The following R3HDM2 variants were observed in gnomAD, a reference collection of about 807,000 sequenced individuals.
R3HDM2 encodes R3H domain-containing protein 2.
R3HDM2 carries 38 observed loss-of-function variants against 124.5 expected under a neutral mutation model. That is an observed-to-expected ratio of 0.31 (90% CI 0.24 to 0.40). The LOEUF (loss-of-function observed/expected upper bound fraction) is 0.40. R3HDM2 is among the 10% of genes least tolerant of loss of function. R3HDM2 has a pLI of 1.00. For synonymous variants in R3HDM2, 391 were observed against 448.0 expected, an observed-to-expected ratio of 0.87 and a Z score of 1.61; for missense variants, 869 against 1,236.9, an observed-to-expected ratio of 0.70 and a Z score of 4.46.
intron 14 of R3HDM2, among the ~76,000 whole-genome samples, chr12:57,277,457 T>A (rs1403925837): frequency 1.3e-5 from 2 of 151,672 alleles, no homozygotes; most frequent in Non-Finnish European, 2.9e-5. Flanking sequence ...TTTTTTTTTT[T>A]AGACAGAGTC....
chr12:57,256,146 G>A (rs1035170822), intron 22 of R3HDM2, 72 bp from the exon 23 acceptor site: 2 of 1,474,300 alleles, frequency 1.4e-6, no homozygotes, highest in Admixed American at 1.7e-5. Flanking sequence ...ATGTCTGCCT[G>A]AGAGATTGTG....
At chr12:57,423,561 C>G (rs2139619985) in intron 1 of R3HDM2, among the ~76,000 whole-genome samples, 1 of 152,082 alleles carries the variant, frequency 6.6e-6, no homozygotes, top group South Asian at 2.1e-4. Context: ...GCCTCATGCC[C>G]AGCACTTTGG....
chr12:57,360,725 G>A (rs748736986), intron 2 of R3HDM2, among the ~76,000 whole-genome samples: 73 of 152,252 alleles, frequency 4.8e-4, no homozygotes, highest in Non-Finnish European at 8.8e-4. Flanking sequence ...AAAAATAAAA[G>A]AAAATGTGGC....
intron 19 of R3HDM2, 130 bp downstream of exon 19, chr12:57,266,601 G>T: frequency 2.0e-5 from 14 of 704,344 alleles, no homozygotes; most frequent in Middle Eastern, 2.5e-4. Context: ...TTTTTTCTTT[G>T]TGATGGAGTC....
At chr12:57,314,006 T>C (rs999166086) in intron 2 of R3HDM2, among the ~76,000 whole-genome samples, 3 of 147,188 alleles carry the variant, frequency 2.0e-5, no homozygotes, top group African/African-American at 7.6e-5. Flanking sequence ...CTGACCAACA[T>C]GGAGAAACCC....
At chr12:57,272,475 G>A in intron 14 of R3HDM2, 1 of 1,550,788 alleles carries the variant, frequency 6.4e-7, no homozygotes, top group Non-Finnish European at 8.7e-7. Flanking sequence ...CTGGGGCGGA[G>A]AGACTGGCAG....
chr12:57,344,081 G>T (rs2059867117), intron 2 of R3HDM2, among the ~76,000 whole-genome samples: 1 of 152,112 alleles, frequency 6.6e-6, no homozygotes, highest in Non-Finnish European at 1.5e-5. Flanking sequence ...ATGCATATAT[G>T]TGCATATAAA....
Position 57,268,463 on chromosome 12 carries a change from T to A in R3HDM2, c.1876-6A>T, listed in dbSNP as rs767313292. 5.6e-6 allele frequency: 9 copies of A among 1,613,308 alleles called. No individual in the cohort carries two copies. In the East Asian group the frequency reaches 2.0e-4, roughly 36 times the overall value. On this transcript the variant is annotated splice_polypyrimidine_tract_variant and splice_region_variant and intron_variant, in intron 17 of 23. Coordinates refer to ENST00000402412, the MANE Select transcript of R3HDM2 (RefSeq NM_001394031.1). ...GAGTCACTACCCACTGGAACCTGGG[T>A]GAGAAAGAGAAGAGAAAGAATCACA...
chr12:57,430,050 T>C (rs1458011515), intron 1 of R3HDM2, among the ~76,000 whole-genome samples: 1 of 152,228 alleles, frequency 6.6e-6, no homozygotes, highest in Non-Finnish European at 1.5e-5. Context: ...TCCACTTTTC[T>C]TTCTTCCGTT....
chr12:57,396,406 A>G (rs1173075013), intron 1 of R3HDM2, among the ~76,000 whole-genome samples: 1 of 151,962 alleles, frequency 6.6e-6, no homozygotes, highest in Admixed American at 6.6e-5. Flanking sequence ...GCACCACTGC[A>G]CTCCAGCCTG....
chr12:57,385,721 T>G (rs1490738781), intron 2 of R3HDM2, among the ~76,000 whole-genome samples: 10 of 150,430 alleles, frequency 6.6e-5, no homozygotes. Context: ...TAGTAACATA[T>G]GAGATGTGTG....
intron 2 of R3HDM2, among the ~76,000 whole-genome samples, chr12:57,325,206 G>A (rs776698583): frequency 1.3e-5 from 2 of 152,182 alleles, no homozygotes; most frequent in Non-Finnish European, 2.9e-5. Context: ...GCAGTGGCAC[G>A]ATCTCGGCTC....
chr12:57,301,685 A>G (rs1252966729), intron 4 of R3HDM2, among the ~76,000 whole-genome samples: 2 of 152,222 alleles, frequency 1.3e-5, no homozygotes, highest in African/African-American at 4.8e-5. Flanking sequence ...CCACAGAGCC[A>G]ATTTATCATA....
intron 1 of R3HDM2, among the ~76,000 whole-genome samples, chr12:57,429,711 T>C (rs1869191215): frequency 8.8e-6 from 1 of 113,172 alleles, no homozygotes. Flanking sequence ...AGACCCTGTC[T>C]CAAAAAACAA....
In R3HDM2 at chr12:57,310,249, A is replaced by G. The variant is rs2053632974; in HGVS notation, c.165+15T>C. 2 of 1,506,574 alleles carry G rather than the reference A, an allele frequency of 1.3e-6. No individual in the cohort carries two copies. Among genetic ancestry groups the G allele is most frequent in the Non-Finnish European group, 1.8e-6 (2 of 1,125,534 alleles). 93.3% of individuals were successfully genotyped at this position (1,506,574 alleles called of 1,614,324 possible). On this transcript the variant is annotated intron_variant, in intron 3 of 23. Coordinates refer to ENST00000402412, the MANE Select transcript of R3HDM2 (RefSeq NM_001394031.1). The stretch of plus-strand genomic sequence containing the variant: ...AAAAAAAAAAGTGTGCATACAATGC[A>G]TTTCCAATCGTTACCTGTGTCTCCT...
intron 2 of R3HDM2, among the ~76,000 whole-genome samples, chr12:57,363,701 T>G (rs2062232708): frequency 6.6e-6 from 1 of 152,132 alleles, no homozygotes; most frequent in Non-Finnish European, 1.5e-5. Flanking sequence ...ATACAATTAT[T>G]ATATTATGTC....
At chr12:57,267,381 C>T (rs2042693541) in intron 18 of R3HDM2, among the ~76,000 whole-genome samples, 1 of 152,116 alleles carries the variant, frequency 6.6e-6, no homozygotes, top group African/African-American at 2.4e-5. Context: ...ATGGCGAAAC[C>T]CCGTCTCTAC....
chr12:57,413,048 G>A (rs2069153013), intron 1 of R3HDM2, among the ~76,000 whole-genome samples: 1 of 152,068 alleles, frequency 6.6e-6, no homozygotes, highest in African/African-American at 2.4e-5. Context: ...AGCTACTTAG[G>A]AGGCTGAGGC....
chr12:57,323,395 G>GTA (rs2056773634), intron 2 of R3HDM2, among the ~76,000 whole-genome samples: 1 of 152,188 alleles, frequency 6.6e-6, no homozygotes, highest in East Asian at 1.9e-4. Context: ...AACACATAAA[G>GTA]CTATAGGTAT....
Sources: allele counts gnomAD v4.1 joint callset (sites outside exome capture counted in the v4.1 genomes callset), GRCh38; gene constraint gnomAD v4.1.1; transcripts MANE v1.5; gene names NCBI Gene and HGNC (gene_info 2026-07-23, HGNC 2026-07-21).